RALYL: variants seen among roughly 807,000 people sequenced by gnomAD.
The protein encoded by RALYL is RALY RNA binding protein like.
A neutral mutation model predicts 35.1 loss-of-function variants in RALYL; 29 were observed. The ratio of observed to expected loss-of-function variants is 0.83; its 90% CI spans 0.61 to 1.13. The LOEUF (loss-of-function observed/expected upper bound fraction) is 1.13, where lower values mean the gene tolerates loss of function less well. Among genes scored for constraint, RALYL ranks in the 50% most tolerant of loss-of-function variants. RALYL has a pLI of 0.00. For synonymous variants in RALYL, 120 were observed against 127.6 expected (o/e 0.94, Z 0.40); for missense variants, 359 against 360.4 (o/e 1.00, Z 0.03).
chr8:84,499,538 C>A (rs1029811413), intron 1 of RALYL, among the ~76,000 whole-genome samples: 3 of 152,098 alleles, frequency 2.0e-5, no homozygotes, highest in African/African-American at 7.2e-5. Context: ...TGAGCAGAGA[C>A]AACAGAGACC....
intron 2 of RALYL, among the ~76,000 whole-genome samples, chr8:84,756,715 A>G (rs1811500459): frequency 6.6e-6 from 1 of 152,090 alleles, no homozygotes; most frequent in Non-Finnish European, 1.5e-5. Flanking sequence ...TATGATTGTC[A>G]TGATTTATTA....
chr8:84,388,613 G>C (rs1279919072), intron 1 of RALYL, among the ~76,000 whole-genome samples: 2 of 152,046 alleles, frequency 1.3e-5, no homozygotes, highest in Non-Finnish European at 2.9e-5. Flanking sequence ...ATTTTTTCAT[G>C]TGTTTTTTGG....
chr8:84,574,165 T>C (rs2135843328), intron 2 of RALYL, among the ~76,000 whole-genome samples: 1 of 152,166 alleles, frequency 6.6e-6, no homozygotes, highest in Admixed American at 6.5e-5. Flanking sequence ...AGGCATATTT[T>C]AAAAGTTTTC....
At chr8:84,454,366 C>T (rs1563959198) in intron 1 of RALYL, among the ~76,000 whole-genome samples, 1 of 146,904 alleles carries the variant, frequency 6.8e-6, no homozygotes, top group Admixed American at 6.8e-5. Context: ...CAACTCTTCC[C>T]AGAAAATAGC....
intron 3 of RALYL, among the ~76,000 whole-genome samples, chr8:84,790,840 A>T (rs2718980): frequency 0.27 from 41,621 of 152,024 alleles, 6,142 homozygotes; most frequent in African/African-American, 0.36. Context: ...CCTTATTTGA[A>T]CATGGTTTGA....
intron 3 of RALYL, among the ~76,000 whole-genome samples, chr8:84,791,771 T>C (rs1820831165): frequency 6.6e-6 from 1 of 152,226 alleles, no homozygotes; most frequent in African/African-American, 2.4e-5. Flanking sequence ...TGCTGCTACG[T>C]AGCAAGATTT....
intron 2 of RALYL, among the ~76,000 whole-genome samples, chr8:84,660,059 C>T (rs1000606176): frequency 5.9e-5 from 9 of 151,960 alleles, no homozygotes; most frequent in Non-Finnish European, 1.0e-4. Flanking sequence ...ATCTATTCCA[C>T]GAATATTTGG....
chr8:84,846,201 G>A (rs1001812747), intron 4 of RALYL, among the ~76,000 whole-genome samples: 1 of 152,112 alleles, frequency 6.6e-6, no homozygotes, highest in African/African-American at 2.4e-5. Context: ...GTTTTATAGG[G>A]ATAGCATTGC....
intron 1 of RALYL, among the ~76,000 whole-genome samples, chr8:84,518,826 G>A (rs116556443): frequency 2.0e-5 from 3 of 152,238 alleles, no homozygotes; most frequent in African/African-American, 7.2e-5. Flanking sequence ...TAACTCCTGA[G>A]GGAGCTGTCA....
intron 1 of RALYL, among the ~76,000 whole-genome samples, chr8:84,443,784 C>T (rs2048579513): frequency 6.6e-6 from 1 of 152,006 alleles, no homozygotes; most frequent in East Asian, 1.9e-4. Context: ...TTAAATTTTC[C>T]ACTTCTGACG....
intron 3 of RALYL, among the ~76,000 whole-genome samples, chr8:84,782,397 C>T (rs1415576377): frequency 6.6e-6 from 1 of 152,188 alleles, no homozygotes; most frequent in African/African-American, 2.4e-5. Flanking sequence ...ACTCCTCTTT[C>T]TTTGAGGTAG....
At chr8:84,540,586 T>C (rs1207055672) in intron 2 of RALYL, among the ~76,000 whole-genome samples, 1 of 152,030 alleles carries the variant, frequency 6.6e-6, no homozygotes, top group Admixed American at 6.6e-5. Context: ...TGTGTTTTTT[T>C]TTAACCTCTA....
In RALYL at chr8:84,470,435, G is replaced by A. The variant is rs189652534; in HGVS notation, c.-23-58864G>A. On this transcript the variant is annotated intron_variant, in intron 1 of 8. Transcript: ENST00000521268. ...GGAGGTGGTTTTCTTGAAAAGTGTG[G>A]ATTGAAAGGCCAAGGTGTGACTGAT... Among the ~76,000 whole-genome samples the A allele has an allele frequency of 8.9e-4, 135 of 150,874 alleles. 1 individual carries two copies. The highest frequency in any genetic ancestry group is 3.5e-3 in the Middle Eastern group (1 of 288).
intron 8 of RALYL, among the ~76,000 whole-genome samples, chr8:84,905,925 C>T (rs974305519): frequency 2.6e-5 from 4 of 151,974 alleles, no homozygotes; most frequent in Non-Finnish European, 5.9e-5. Context: ...TTTTTACATT[C>T]CAAACCTAAA....
chr8:84,311,053 CAAAAAAAAAAAAAAAAAAA>C (rs34029529), intron 1 of RALYL, among the ~76,000 whole-genome samples: 23 of 9,528 alleles, frequency 2.4e-3, no homozygotes, highest in South Asian at 7.9e-3. Flanking sequence ...GACTCCGTCT[CAAAAAAAAAAAAAAAAAAA>C]AAAAAAAAAA....
At chr8:84,654,884 G>T (rs916616443) in intron 2 of RALYL, among the ~76,000 whole-genome samples, 3 of 151,852 alleles carry the variant, frequency 2.0e-5, no homozygotes, top group Non-Finnish European at 4.4e-5. Flanking sequence ...TAGTGCTGCA[G>T]TAAACAAGAG....
At chr8:84,756,504 A>AG (rs1478315468) in intron 2 of RALYL, among the ~76,000 whole-genome samples, 1 of 152,138 alleles carries the variant, frequency 6.6e-6, no homozygotes, top group Non-Finnish European at 1.5e-5. Flanking sequence ...CATCTCTTTA[A>AG]GAATAAATAT....
intron 2 of RALYL, among the ~76,000 whole-genome samples, chr8:84,634,959 C>A (rs142278275): frequency 1.7e-4 from 26 of 151,688 alleles, no homozygotes; most frequent in African/African-American, 6.0e-4. Context: ...TAGTTCTGAC[C>A]TTGAAAAGCC....
intron 1 of RALYL, among the ~76,000 whole-genome samples, chr8:84,397,760 A>G (rs73300798): frequency 0.03 from 4,495 of 152,304 alleles, 218 homozygotes; most frequent in African/African-American, 0.1. Flanking sequence ...CTGTGTGATC[A>G]TGTTCTTGCA....
Sources: gnomAD v4.1 joint callset for allele counts (sites outside exome capture counted in the v4.1 genomes callset) on GRCh38, gnomAD v4.1.1 for gene constraint, MANE v1.5 for transcripts, NCBI Gene and HGNC (gene_info 2026-07-23, HGNC 2026-07-21) for gene names.